INVS: variants seen among roughly 807,000 people sequenced by gnomAD.
INVS encodes inversin, also known as inversion of embryo turning homolog.
A neutral mutation model predicts 108.8 loss-of-function variants in INVS; 86 were observed. The ratio of observed to expected loss-of-function variants is 0.79; its 90% CI spans 0.66 to 0.95. The LOEUF (loss-of-function observed/expected upper bound fraction) is 0.95. Among genes scored for constraint, INVS ranks in the 40% least tolerant of loss-of-function variants. The pLI is 0.00. For synonymous variants in INVS, 455 were observed against 473.5 expected, an observed-to-expected ratio of 0.96 and a Z score of 0.51; for missense variants, 1,169 against 1,297.4, an observed-to-expected ratio of 0.90 and a Z score of 1.52.
intron 3 of INVS, among the ~76,000 whole-genome samples, chr9:100,181,613 A>G (rs534230387): frequency 2.4e-4 from 37 of 152,338 alleles, no homozygotes; most frequent in African/African-American, 8.4e-4. Flanking sequence ...AAGAAATAAG[A>G]GATGACACAA....
At chr9:100,248,474 T>G (rs925242751) in intron 8 of INVS, among the ~76,000 whole-genome samples, 3 of 135,646 alleles carry the variant, frequency 2.2e-5, no homozygotes, top group African/African-American at 7.6e-5. Flanking sequence ...CTCTACAGGG[T>G]TTTTTTTTTT....
intron 2 of INVS, among the ~76,000 whole-genome samples, chr9:100,113,073 A>G (rs1564117799): frequency 6.6e-6 from 1 of 152,230 alleles, no homozygotes; most frequent in Non-Finnish European, 1.5e-5. Flanking sequence ...CTCCAGAAGG[A>G]CTCAAACTGA....
intron 2 of INVS, among the ~76,000 whole-genome samples, chr9:100,109,300 CAGTAAAATA>C (rs1383462996): frequency 9.6e-4 from 146 of 152,228 alleles, no homozygotes; most frequent in African/African-American, 3.4e-3. Flanking sequence ...GAAATAATGA[CAGTAAAATA>C]TCTAGCATGG....
rs747633868 is a variant in INVS at position 100,300,699 on chromosome 9, C to T, written c.*25C>T. 1.3e-5 allele frequency: 20 copies of T among 1,513,642 alleles called. No homozygotes were observed. The highest frequency in any genetic ancestry group is 5.0e-5 in the Admixed American group (3 of 59,806). The allele number at this position is 1,513,642 out of a possible 1,614,324, so 93.8% of individuals were successfully genotyped here. ...ACTGCCTATGGAGGAAGACTGTGTT[C>T]GGGGGAGCTGGCATAGCTAGTGCAG... On this transcript the variant is annotated 3_prime_UTR_variant, in exon 17 of 17. Transcript: ENST00000262457.
At chr9:100,259,499 C>G (rs950114658) in intron 10 of INVS, among the ~76,000 whole-genome samples, 9 of 151,864 alleles carry the variant, frequency 5.9e-5, no homozygotes, top group African/African-American at 2.2e-4. Context: ...TTCTTCATCA[C>G]TCATGCTGAG....
rs1412167632 is a variant in INVS, at chr9:100,181,822, A to C, written c.274-44240A>C. On this transcript the variant is annotated intron_variant, in intron 3 of 16. Transcript: ENST00000262457. ...CATATAGCCAAGACAATCCTAAGCAAAAAGAACAAAGCTGGAGACATCATG... is the reference window on the plus strand; with the variant it reads ...CATATAGCCAAGACAATCCTAAGCACAAAGAACAAAGCTGGAGACATCATG... Among the ~76,000 whole-genome samples, 4 of 152,164 alleles carry C rather than the reference A, an allele frequency of 2.6e-5. No individual in the cohort carries two copies. The East Asian group carries it at 7.7e-4, about 29-fold the overall frequency.
chr9:100,252,381 C>G lies in INVS; in HGVS notation c.1177C>G (p.Pro393Ala), dbSNP rs1441776664. Residue 393 changes from proline (P) to alanine (A), a missense_variant, in exon 9 of 17, where the codon CCA becomes GCA. Physicochemically the swap from Pro to Ala is conservative, Grantham distance 27. Transcript: ENST00000262457. ...VDATDVMKHT[P>A]LFRACEMGHK... The stretch of plus-strand genomic sequence containing the variant: ...TGCTACTGATGTTATGAAACATACT[C>G]CACTTTTCCGAGCCTGTGAGATGGG... 1.3e-5 allele frequency: 21 copies of G among 1,613,908 alleles called. No individual in the cohort carries two copies. The highest frequency in any genetic ancestry group is 1.7e-5 in the Admixed American group (1 of 60,000).
intron 13 of INVS, 61 bp from the exon 14 acceptor site, chr9:100,292,265 T>G (rs1564193087): frequency 7.2e-7 from 1 of 1,387,212 alleles, no homozygotes; most frequent in Non-Finnish European, 1.0e-6. Context: ...TATGTGAACA[T>G]ATTAGGAAAA....
intron 10 of INVS, among the ~76,000 whole-genome samples, chr9:100,254,949 T>C (rs1832367922): frequency 6.6e-6 from 1 of 152,230 alleles, no homozygotes; most frequent in Admixed American, 6.5e-5. Flanking sequence ...TCCAATTCTG[T>C]GAAGAAAGTC....
intron 12 of INVS, among the ~76,000 whole-genome samples, chr9:100,277,764 C>A (rs1430672765): frequency 2.6e-5 from 4 of 152,138 alleles, no homozygotes; most frequent in Admixed American, 6.5e-5. Flanking sequence ...TCAACTATTT[C>A]TATGCCTGTT....
At chr9:100,198,506 G>C (rs532297162) in intron 3 of INVS, among the ~76,000 whole-genome samples, 2 of 151,204 alleles carry the variant, frequency 1.3e-5, no homozygotes, top group African/African-American at 4.9e-5. Flanking sequence ...GGTCAGGCTG[G>C]TCTCGAACTC....
intron 2 of INVS, among the ~76,000 whole-genome samples, chr9:100,124,403 A>G (rs907602347): frequency 6.6e-6 from 1 of 152,042 alleles, no homozygotes; most frequent in Non-Finnish European, 1.5e-5. Flanking sequence ...CTTTGCTTTC[A>G]ATCATCGAAA....
intron 3 of INVS, among the ~76,000 whole-genome samples, chr9:100,216,919 C>G (rs1831006825): frequency 6.6e-6 from 1 of 152,196 alleles, no homozygotes; most frequent in African/African-American, 2.4e-5. Context: ...ACCTTGCCCA[C>G]CACCTGGGCA....
At chr9:100,101,843 A>G (rs956650287) in intron 1 of INVS, 1 of 152,142 alleles carries the variant, frequency 6.6e-6, no homozygotes, top group African/African-American at 2.4e-5. Context: ...GCTTGAGTTT[A>G]CCGTGATTCT....
chr9:100,131,960 A>G, intron 3 of INVS: 1 of 945,416 alleles, frequency 1.1e-6, no homozygotes, highest in Non-Finnish European at 1.3e-6. Flanking sequence ...ACCAGGTAAC[A>G]CTATTAGGTT....
chr9:100,273,920 C>CA (rs1833039929), intron 12 of INVS, among the ~76,000 whole-genome samples: 1 of 152,110 alleles, frequency 6.6e-6, no homozygotes, highest in Admixed American at 6.6e-5. Context: ...ACTATACAGA[C>CA]AAAATGCTTG....
At chr9:100,226,810 CAAAAA>C (rs59853701) in intron 4 of INVS, among the ~76,000 whole-genome samples, 52 of 78,792 alleles carry the variant, frequency 6.6e-4, no homozygotes, top group East Asian at 6.4e-4. Context: ...GAGACTGTCT[CAAAAA>C]AAAAAAAAAA....
At chr9:100,144,699 A>G (rs1474107430) in intron 3 of INVS, among the ~76,000 whole-genome samples, 1 of 152,066 alleles carries the variant, frequency 6.6e-6, no homozygotes, top group Non-Finnish European at 1.5e-5. Context: ...TAGAAGGATT[A>G]TAGGGTGGAG....
intron 3 of INVS, among the ~76,000 whole-genome samples, chr9:100,200,467 T>C (rs1830502811): frequency 6.6e-6 from 1 of 152,224 alleles, no homozygotes; most frequent in Non-Finnish European, 1.5e-5. Context: ...GCTGACTAAT[T>C]ACACTGAACT....
Sources: gnomAD v4.1 joint callset for allele counts (sites outside exome capture counted in the v4.1 genomes callset) on GRCh38, gnomAD v4.1.1 for gene constraint, MANE v1.5 for transcripts, NCBI Gene and HGNC (gene_info 2026-07-23, HGNC 2026-07-21) for gene names.